The following NLGN1 variants were observed in gnomAD, a reference collection of about 807,000 sequenced individuals.
The protein encoded by NLGN1 is neuroligin 1.
Under a neutral mutation model 65.5 loss-of-function variants are expected in NLGN1, and 12 were observed. That is an observed-to-expected ratio of 0.18 (90% CI 0.12 to 0.30). The LOEUF (loss-of-function observed/expected upper bound fraction) is 0.30, where lower values mean the gene tolerates loss of function less well. NLGN1 is among the 10% of genes least tolerant of loss of function. The pLI, the probability that NLGN1 is intolerant of heterozygous loss-of-function variation, is 1.00. For synonymous variants in NLGN1, 350 were observed against 359.5 expected (o/e 0.97, Z 0.30); for missense variants, 750 against 1,007.1 (o/e 0.74, Z 3.46).
At chr3:173,528,521 T>G (rs1315680649) in intron 2 of NLGN1, among the ~76,000 whole-genome samples, 1 of 152,220 alleles carries the variant, frequency 6.6e-6, no homozygotes, top group Admixed American at 6.5e-5. Context: ...CATTATTCCT[T>G]CAAATATGTT....
chr3:173,872,408 T>C (rs148651220), intron 4 of NLGN1, among the ~76,000 whole-genome samples: 1 of 152,370 alleles, frequency 6.6e-6, no homozygotes, highest in East Asian at 1.9e-4. Context: ...TTCTTGGCCA[T>C]GTTCCCTGTT....
At chr3:173,799,228 T>C (rs1714866643) in intron 3 of NLGN1, among the ~76,000 whole-genome samples, 1 of 151,992 alleles carries the variant, frequency 6.6e-6, no homozygotes, top group Non-Finnish European at 1.5e-5. Flanking sequence ...TGATTGCTTT[T>C]TGCATGAGGA....
intron 4 of NLGN1, among the ~76,000 whole-genome samples, chr3:174,058,961 G>A (rs938281717): frequency 7.2e-5 from 11 of 152,102 alleles, no homozygotes; most frequent in African/African-American, 2.4e-4. Flanking sequence ...CAACCCTGCA[G>A]GCTTGAGGAT....
At chr3:174,107,011 CACACACAGAGAG>C (rs763341820) in intron 4 of NLGN1, among the ~76,000 whole-genome samples, 185 of 115,144 alleles carry the variant, frequency 1.6e-3, no homozygotes, top group South Asian at 0.011. Context: ...CACACACACA[CACACACAGAGAG>C]AGAGAGAGAG....
chr3:173,569,642 A>T (rs1446209805), intron 2 of NLGN1, among the ~76,000 whole-genome samples: 6 of 131,898 alleles, frequency 4.5e-5, no homozygotes, highest in Non-Finnish European at 9.9e-5. Flanking sequence ...TGTTTTTCAG[A>T]TGCTTGCTGT....
intron 4 of NLGN1, among the ~76,000 whole-genome samples, chr3:173,978,834 TAAAAAAAAA>T (rs34496124): frequency 9.0e-5 from 10 of 111,270 alleles, no homozygotes; most frequent in African/African-American, 2.7e-4. Context: ...CTTCTCTAAT[TAAAAAAAAA>T]AAAAAAAAAA....
chr3:173,928,144 T>C (rs1743359282), intron 4 of NLGN1, among the ~76,000 whole-genome samples: 1 of 152,198 alleles, frequency 6.6e-6, no homozygotes, highest in Non-Finnish European at 1.5e-5. Context: ...ACAACCTAAG[T>C]TGTGAGTTAC....
intron 4 of NLGN1, among the ~76,000 whole-genome samples, chr3:174,107,143 T>G (rs1424960598): frequency 6.6e-6 from 1 of 151,972 alleles, no homozygotes; most frequent in Non-Finnish European, 1.5e-5. Flanking sequence ...TTACCCGGTT[T>G]CACAATGATA....
At chr3:174,170,714 G>A (rs1236934209) in intron 4 of NLGN1, among the ~76,000 whole-genome samples, 2 of 152,124 alleles carry the variant, frequency 1.3e-5, no homozygotes, top group Admixed American at 6.6e-5. Context: ...GCATAACAGT[G>A]ACCACAATGA....
At chr3:174,104,740 GT>G (rs1713340121) in intron 4 of NLGN1, among the ~76,000 whole-genome samples, 1 of 152,162 alleles carries the variant, frequency 6.6e-6, no homozygotes, top group Non-Finnish European at 1.5e-5. Context: ...ATTTTGTTAA[GT>G]GGGGAAGAAG....
chr3:173,667,754 C>T (rs974982407), intron 3 of NLGN1, among the ~76,000 whole-genome samples: 1 of 152,024 alleles, frequency 6.6e-6, no homozygotes, highest in Non-Finnish European at 1.5e-5. Flanking sequence ...CTCAGCCTCC[C>T]GATTAGCTGG....
chr3:173,466,242 G>T (rs1039579034), intron 2 of NLGN1, among the ~76,000 whole-genome samples: 4 of 152,156 alleles, frequency 2.6e-5, no homozygotes, highest in Non-Finnish European at 4.4e-5. Context: ...TGGAGCCTGA[G>T]ATCTGTTTTG....
At chr3:174,179,695 G>C (rs545240646) in intron 4 of NLGN1, among the ~76,000 whole-genome samples, 4 of 152,148 alleles carry the variant, frequency 2.6e-5, no homozygotes, top group African/African-American at 9.6e-5. Flanking sequence ...TAGATAAATG[G>C]GTATTTTTGA....
intron 3 of NLGN1, among the ~76,000 whole-genome samples, chr3:173,660,349 C>A (rs981219726): frequency 2.2e-5 from 3 of 138,056 alleles, no homozygotes; most frequent in African/African-American, 8.2e-5. Flanking sequence ...ATGGACCAAT[C>A]ATCTCCTTAT....
chr3:173,450,986 A>G (rs1721394350), intron 2 of NLGN1, among the ~76,000 whole-genome samples: 1 of 151,768 alleles, frequency 6.6e-6, no homozygotes, highest in Admixed American at 6.6e-5. Flanking sequence ...AAAGTTTTTA[A>G]CTTCTTTGTC....
intron 3 of NLGN1, among the ~76,000 whole-genome samples, chr3:173,671,905 T>C (rs1005878356): frequency 7.9e-5 from 12 of 152,214 alleles, no homozygotes; most frequent in African/African-American, 2.9e-4. Context: ...CCGGGCGTGG[T>C]GGCTCACACC....
chr3:173,674,342 C>T (rs1320018661), intron 3 of NLGN1, among the ~76,000 whole-genome samples: 1 of 151,982 alleles, frequency 6.6e-6, no homozygotes, highest in East Asian at 1.9e-4. Context: ...TTATTGTGCC[C>T]TTATTGTGTA....
At chr3:173,687,087 T>G (rs958652734) in intron 3 of NLGN1, among the ~76,000 whole-genome samples, 1 of 152,196 alleles carries the variant, frequency 6.6e-6, no homozygotes, top group Non-Finnish European at 1.5e-5. Flanking sequence ...GTAGTCTGCA[T>G]GTTGGGTTTT....
chr3:174,045,853 C>T (rs1002389066), intron 4 of NLGN1, among the ~76,000 whole-genome samples: 2 of 152,126 alleles, frequency 1.3e-5, no homozygotes, highest in Non-Finnish European at 2.9e-5. Context: ...TTATAAAATT[C>T]TTCTTCCTTA....
Sources: gnomAD v4.1 joint callset for allele counts (sites outside exome capture counted in the v4.1 genomes callset) on GRCh38, gnomAD v4.1.1 for gene constraint, MANE v1.5 for transcripts, NCBI Gene and HGNC (gene_info 2026-07-23, HGNC 2026-07-21) for gene names.